TTLL11: variants seen among roughly 807,000 people sequenced by gnomAD.
TTLL11 encodes tubulin tyrosine ligase like 11, also known as tubulin polyglutamylase TTLL11.
In TTLL11, 42 loss-of-function variants were observed where a neutral mutation model predicts 51.7. The ratio of observed to expected loss-of-function variants is 0.81; its 90% confidence interval spans 0.64 to 1.05. The LOEUF (loss-of-function observed/expected upper bound fraction) is 1.05. Among genes scored for constraint, TTLL11 ranks in the 50% least tolerant of loss-of-function variants. TTLL11 has a pLI of 0.00. For missense variants in TTLL11, 799 were observed against 940.4 expected (o/e 0.85, Z 1.97); for synonymous variants, 381 against 383.5 (o/e 0.99, Z 0.08).
chr9:121,939,531 G>T (rs1841359153), intron 6 of TTLL11, among the ~76,000 whole-genome samples: 1 of 152,046 alleles, frequency 6.6e-6, no homozygotes, highest in Admixed American at 6.6e-5. Flanking sequence ...TCTGGGGGTA[G>T]GGGGAGAAGG....
Position 121,826,493 on chromosome 9 carries a change from ATG to A in TTLL11, c.1841-3616_1841-3615del, listed in dbSNP as rs777460665. 2.1e-3 allele frequency among the ~76,000 whole-genome samples: 178 copies of A among 84,242 alleles called. 4 individuals carry two copies. The highest frequency in any genetic ancestry group is 5.4e-3 in the East Asian group (14 of 2,578). 55.3% of individuals were successfully genotyped at this position (84,242 alleles called of 152,430 possible). A position where few individuals can be genotyped will look rare whatever the true frequency, so the allele number is the denominator to read the frequency against. ...TATATATATATATGTATATATATATATGTGTGTGTATATATATATATGTATAT... is the reference window on the plus strand; with the variant it reads ...TATATATATATATGTATATATATATATGTGTGTATATATATATATGTATAT... On this transcript the variant is annotated intron_variant, in intron 8 of 8. Transcript: ENST00000321582.
At chr9:121,911,204 T>C (rs1430189775) in intron 6 of TTLL11, among the ~76,000 whole-genome samples, 1 of 152,152 alleles carries the variant, frequency 6.6e-6, no homozygotes, top group Non-Finnish European at 1.5e-5. Context: ...GAGACCAGCC[T>C]GGCCAACACA....
intron 1 of TTLL11, among the ~76,000 whole-genome samples, chr9:122,058,023 C>T (rs1182526092): frequency 6.6e-6 from 1 of 152,196 alleles, no homozygotes; most frequent in East Asian, 1.9e-4. Context: ...CAGGTGAGGG[C>T]CAAAGGGCTA....
chr9:121,917,513 G>C (rs182768163), intron 6 of TTLL11, among the ~76,000 whole-genome samples: 1,329 of 67,206 alleles, frequency 0.02, 20 homozygotes, highest in African/African-American at 0.081. Context: ...AAGAAGGAGA[G>C]AGAGAAAGAA....
chr9:122,079,398 T>G (rs1422266673), intron 1 of TTLL11, among the ~76,000 whole-genome samples: 1 of 152,096 alleles, frequency 6.6e-6, no homozygotes, highest in Non-Finnish European at 1.5e-5. Context: ...AGAAATATTT[T>G]GACAAAACCT....
At chr9:121,855,422 C>G (rs1359569671) in intron 8 of TTLL11, among the ~76,000 whole-genome samples, 1 of 152,106 alleles carries the variant, frequency 6.6e-6, no homozygotes, top group Admixed American at 6.5e-5. Context: ...TTTTAAGCAC[C>G]ATTTTTTCTT....
chr9:121,957,138 C>T (rs1842044513), intron 6 of TTLL11, among the ~76,000 whole-genome samples: 1 of 152,212 alleles, frequency 6.6e-6, no homozygotes, highest in Admixed American at 6.5e-5. Flanking sequence ...CCACTCTCTC[C>T]CACCCCAACC....
At chr9:121,914,275 T>C (rs1182844395) in intron 6 of TTLL11, among the ~76,000 whole-genome samples, 5 of 152,226 alleles carry the variant, frequency 3.3e-5, no homozygotes, top group East Asian at 1.9e-4. Flanking sequence ...TAGAACTGAA[T>C]AGATGTGGCA....
At chr9:122,043,745 A>G (rs958122283) in intron 1 of TTLL11, among the ~76,000 whole-genome samples, 2 of 152,174 alleles carry the variant, frequency 1.3e-5, no homozygotes, top group Admixed American at 6.5e-5. Flanking sequence ...TCATCAAAAG[A>G]CACTATGAAC....
At chr9:121,855,478 T>C (rs778235450) in intron 8 of TTLL11, among the ~76,000 whole-genome samples, 10 of 152,226 alleles carry the variant, frequency 6.6e-5, no homozygotes, top group Non-Finnish European at 1.5e-4. Flanking sequence ...ATTTTTGTTC[T>C]TAAAGGTCTC....
intron 4 of TTLL11, among the ~76,000 whole-genome samples, chr9:121,983,656 TCTC>T: frequency 6.6e-6 from 1 of 152,094 alleles, no homozygotes; most frequent in Admixed American, 6.5e-5. Flanking sequence ...AGCTTAAGCA[TCTC>T]CTCCTCTGGG....
chr9:121,837,528 A>T (rs1352023956), intron 8 of TTLL11, among the ~76,000 whole-genome samples: 2 of 151,998 alleles, frequency 1.3e-5, no homozygotes, highest in Non-Finnish European at 2.9e-5. Context: ...GGGGTGAGGG[A>T]TGAGGGGAGG....
intron 6 of TTLL11, among the ~76,000 whole-genome samples, chr9:121,972,802 C>A (rs1273879299): frequency 6.6e-5 from 10 of 152,244 alleles, no homozygotes; most frequent in Non-Finnish European, 1.0e-4. Flanking sequence ...CTGAAAGCTG[C>A]CCAGAGGGTT....
intron 6 of TTLL11, among the ~76,000 whole-genome samples, chr9:121,899,393 A>ATATATATATATATATATATATG (rs1564295478): frequency 1.6e-5 from 2 of 127,908 alleles, no homozygotes; most frequent in Non-Finnish European, 3.4e-5. Flanking sequence ...ATATATATAT[A>ATATATATATATATATATATATG]TATATATATA....
At chr9:122,083,237 GCTGAAGTGATGCATCACTT>G (rs1846043468) in intron 1 of TTLL11, among the ~76,000 whole-genome samples, 1 of 152,042 alleles carries the variant, frequency 6.6e-6, no homozygotes, top group South Asian at 2.1e-4. Flanking sequence ...TCAAATCTGA[GCTGAAGTGATGCATCACTT>G]CTGGGTAGAC....
intron 3 of TTLL11, among the ~76,000 whole-genome samples, chr9:121,990,460 T>C (rs1303662431): frequency 6.6e-6 from 1 of 152,228 alleles, no homozygotes; most frequent in African/African-American, 2.4e-5. Context: ...TCACTCTTTT[T>C]AGAAGATGAA....
Position 121,826,217 on chromosome 9 carries a change from T to TATACACACAC in TTLL11, c.1841-3339_1841-3338insGTGTGTGTAT, listed in dbSNP as rs1491163835. The stretch of plus-strand genomic sequence containing the variant: ...ATATATATATATATATATATATATA[T>TATACACACAC]GCACACATATATATATACACGCACA... On this transcript the variant is annotated intron_variant, in intron 8 of 8. Transcript: ENST00000321582. 1.7e-3 allele frequency among the ~76,000 whole-genome samples: 101 copies of TATACACACAC among 58,102 alleles called. 8 individuals carry two copies. Among genetic ancestry groups the TATACACACAC allele is most frequent in the African/African-American group, 4.2e-3 (57 of 13,474 alleles). 38.1% of individuals were successfully genotyped at this position (58,102 alleles called of 152,430 possible). A position where few individuals can be genotyped will look rare whatever the true frequency, so the allele number is the denominator to read the frequency against.
At chr9:121,881,948 G>A (rs1838812499) in intron 6 of TTLL11, among the ~76,000 whole-genome samples, 1 of 152,154 alleles carries the variant, frequency 6.6e-6, no homozygotes, top group African/African-American at 2.4e-5. Flanking sequence ...CAACTAGCTG[G>A]TAATCTTTGA....
intron 8 of TTLL11, among the ~76,000 whole-genome samples, chr9:121,859,774 G>C (rs377522733): frequency 6.6e-6 from 1 of 152,150 alleles, no homozygotes; most frequent in African/African-American, 2.4e-5. Context: ...TCCAGGCCAC[G>C]GCCAGGCAAT....
Sources: allele counts gnomAD v4.1 joint callset (sites outside exome capture counted in the v4.1 genomes callset), GRCh38; gene constraint gnomAD v4.1.1; transcripts MANE v1.5; gene names NCBI Gene and HGNC (gene_info 2026-07-23, HGNC 2026-07-21).